The following SORCS1 variants were observed in gnomAD, a reference collection of about 807,000 sequenced individuals.
SORCS1 encodes sortilin related VPS10 domain containing receptor 1, also known as VPS10 domain-containing receptor SorCS1.
SORCS1 carries 60 observed loss-of-function variants against 146.1 expected under a neutral mutation model. The ratio of observed to expected loss-of-function variants is 0.41; its 90% confidence interval spans 0.33 to 0.51. The LOEUF is 0.51. SORCS1 is among the 20% of genes least tolerant of loss of function. SORCS1 has a pLI of 0.21. For missense variants in SORCS1, 1,352 were observed against 1,487.6 expected (o/e 0.91, Z 1.50); for synonymous variants, 637 against 584.0 (o/e 1.09, Z -1.31).
At chr10:106,641,212 G>A (rs1454401862) in intron 18 of SORCS1, among the ~76,000 whole-genome samples, 1 of 152,196 alleles carries the variant, frequency 6.6e-6, no homozygotes, top group Non-Finnish European at 1.5e-5. Flanking sequence ...GGTGAGCTAA[G>A]TTGTGGGATT....
intron 15 of SORCS1, 129 bp downstream of exon 15, chr10:106,672,739 T>C (rs547000312): frequency 7.0e-6 from 5 of 710,838 alleles, no homozygotes; most frequent in Non-Finnish European, 1.2e-5. Context: ...GGAACACAAA[T>C]GTGTAAGAAA....
intron 13 of SORCS1, 61 bp downstream of exon 13, chr10:106,677,252 G>C: frequency 6.9e-7 from 1 of 1,440,868 alleles, no homozygotes; most frequent in Non-Finnish European, 9.8e-7. Context: ...CTGACTCCTA[G>C]ACTGATCTTA....
chr10:106,872,975 C>G (rs1950466627), intron 2 of SORCS1, among the ~76,000 whole-genome samples: 1 of 151,990 alleles, frequency 6.6e-6, no homozygotes, highest in East Asian at 1.9e-4. Flanking sequence ...GAGTTCGAGA[C>G]CAGCCTGGCC....
chr10:106,810,084 C>T (rs1017599187), intron 3 of SORCS1, among the ~76,000 whole-genome samples: 1 of 152,034 alleles, frequency 6.6e-6, no homozygotes, highest in Admixed American at 6.6e-5. Context: ...AGCCAAGTGT[C>T]GTGGCACGCG....
intron 2 of SORCS1, among the ~76,000 whole-genome samples, chr10:106,872,295 A>C (rs1051935701): frequency 6.6e-6 from 1 of 152,232 alleles, no homozygotes; most frequent in East Asian, 1.9e-4. Context: ...GGCAGAGAGA[A>C]GATCAAGTGC....
intron 2 of SORCS1, among the ~76,000 whole-genome samples, chr10:106,871,586 T>C (rs1950408374): frequency 6.6e-6 from 1 of 152,180 alleles, no homozygotes; most frequent in Non-Finnish European, 1.5e-5. Flanking sequence ...ATCATGTCTT[T>C]TAGGGGAACA....
At chr10:107,075,287 T>G (rs1472721068) in intron 1 of SORCS1, among the ~76,000 whole-genome samples, 2 of 152,162 alleles carry the variant, frequency 1.3e-5, no homozygotes, top group South Asian at 4.1e-4. Flanking sequence ...CATGATGCAG[T>G]GAAGAGAGTT....
intron 1 of SORCS1, among the ~76,000 whole-genome samples, chr10:106,991,520 C>T (rs1956771103): frequency 6.6e-6 from 1 of 152,202 alleles, no homozygotes; most frequent in Non-Finnish European, 1.5e-5. Flanking sequence ...CAGATCTTCT[C>T]CATGTGAGTC....
chr10:106,620,576 A>G lies in SORCS1; in HGVS notation c.2663-15T>C. On this transcript the variant is annotated splice_polypyrimidine_tract_variant and intron_variant, in intron 19 of 25. Transcript: ENST00000263054. ...CTCCAAGGGACCTGAGGCACAAGAG[A>G]AAGAGAGGCCATGGATGGGGAAGAG... is the stretch of plus-strand genomic sequence containing the variant. The G allele has an allele frequency of 6.2e-7, 1 of 1,612,520 alleles. No homozygotes were observed. The highest frequency in any genetic ancestry group is 1.7e-4 in the Middle Eastern group (1 of 6,034).
intron 18 of SORCS1, among the ~76,000 whole-genome samples, chr10:106,651,282 C>A (rs1464738153): frequency 6.6e-6 from 1 of 152,198 alleles, no homozygotes; most frequent in Non-Finnish European, 1.5e-5. Context: ...ATAATTGCTT[C>A]ATCTTTCCAC....
At chr10:106,774,945 C>T (rs987737622) in intron 4 of SORCS1, among the ~76,000 whole-genome samples, 7 of 152,230 alleles carry the variant, frequency 4.6e-5, no homozygotes, top group East Asian at 1.9e-4. Context: ...CACATTTTAA[C>T]GCAAAGGAAA....
chr10:107,050,464 T>C (rs143764405), intron 1 of SORCS1, among the ~76,000 whole-genome samples: 80 of 152,334 alleles, frequency 5.3e-4, no homozygotes, highest in Non-Finnish European at 4.7e-4. Context: ...CTGAAGGATG[T>C]ATTTTGATTG....
chr10:106,821,657 C>T (rs570016738), intron 3 of SORCS1, among the ~76,000 whole-genome samples: 1 of 152,262 alleles, frequency 6.6e-6, no homozygotes, highest in East Asian at 1.9e-4. Flanking sequence ...CATGGTGGCT[C>T]ATGCCTGTAA....
chr10:106,685,449 G>A (rs1852759054), intron 10 of SORCS1, among the ~76,000 whole-genome samples: 1 of 152,058 alleles, frequency 6.6e-6, no homozygotes, highest in Non-Finnish European at 1.5e-5. Context: ...ATAACAATAA[G>A]GACCATGAAG....
chr10:106,730,005 G>T, intron 6 of SORCS1, 45 bp downstream of exon 6: 1 of 1,583,146 alleles, frequency 6.3e-7, no homozygotes, highest in Non-Finnish European at 8.7e-7. Context: ...CAGAGTCATA[G>T]AACTAATATT....
chr10:107,058,142 C>T (rs535716192), intron 1 of SORCS1, among the ~76,000 whole-genome samples: 9 of 152,120 alleles, frequency 5.9e-5, no homozygotes, highest in Admixed American at 3.3e-4. Flanking sequence ...CCCGGGATCA[C>T]GCCATTCTCC....
intron 5 of SORCS1, among the ~76,000 whole-genome samples, chr10:106,735,015 G>A (rs2756236): frequency 0.95 from 143,727 of 151,982 alleles, 68,185 homozygotes; most frequent in Non-Finnish European, 0.99. Context: ...GCATGGTGGC[G>A]GGCAGCTGTA....
intron 5 of SORCS1, among the ~76,000 whole-genome samples, chr10:106,744,713 T>A (rs2136131045): frequency 6.6e-6 from 1 of 152,358 alleles, no homozygotes; most frequent in Non-Finnish European, 1.5e-5. Flanking sequence ...AGGTCTGTTT[T>A]GTTTTTGGGA....
At chr10:107,005,444 A>G (rs562275392) in intron 1 of SORCS1, among the ~76,000 whole-genome samples, 76 of 152,334 alleles carry the variant, frequency 5.0e-4, no homozygotes, top group African/African-American at 1.6e-3. Context: ...TAGATATGAG[A>G]AATTATGGTT....
Sources: gnomAD v4.1 joint callset for allele counts (sites outside exome capture counted in the v4.1 genomes callset) on GRCh38, gnomAD v4.1.1 for gene constraint, MANE v1.5 for transcripts, NCBI Gene and HGNC (gene_info 2026-07-23, HGNC 2026-07-21) for gene names.